Variants in DYNC2I2 observed in about 807,000 individuals in gnomAD.
The protein encoded by DYNC2I2 is dynein 2 intermediate chain 2.
Under a neutral mutation model 52.0 loss-of-function variants are expected in DYNC2I2, and 39 were observed. The observed-to-expected ratio is 0.75, with a 90% CI of 0.58 to 0.98. The LOEUF is 0.98. Among genes scored for constraint, DYNC2I2 ranks in the 50% least tolerant of loss-of-function variants. The pLI is 0.00. For synonymous variants in DYNC2I2, 359 were observed against 321.1 expected, an observed-to-expected ratio of 1.12 and a Z score of -1.26; for missense variants, 743 against 728.4, an observed-to-expected ratio of 1.02 and a Z score of -0.23.
chr9:128,682,064 CTTTT>C, the DYNC2I2 span, among the ~76,000 whole-genome samples: 2 of 141,978 alleles, frequency 1.4e-5, no homozygotes, highest in East Asian at 2.1e-4. Flanking sequence ...CAGAGTGAGA[CTTTT>C]TTTTTTTTTT....
At chr9:128,655,335 TA>T (rs869197100) in intron 1 of DYNC2I2, among the ~76,000 whole-genome samples, 4,391 of 18,500 alleles carry the variant, frequency 0.24, 542 homozygotes, top group East Asian at 0.5. Context: ...CCGTCTCTAC[TA>T]AAAAAAAAAA....
At chr9:128,682,337 C>T in the DYNC2I2 span, among the ~76,000 whole-genome samples, 2 of 151,750 alleles carry the variant, frequency 1.3e-5, no homozygotes, top group Non-Finnish European at 2.9e-5. Flanking sequence ...CATGAGCCAC[C>T]GCACCTGGCC....
rs566931535 is a variant in DYNC2I2, at chr9:128,640,943, G to T, written c.187-4C>A. On this transcript the variant is annotated splice_region_variant and splice_polypyrimidine_tract_variant and intron_variant, in intron 1 of 8. Coordinates refer to ENST00000372715, the MANE Select transcript of DYNC2I2 (RefSeq NM_052844.4). ...TGCTGGCCGTCTGGCAACTTTTCTGGGGGGAGGGTGAAAACAAGTGTCACC... is the reference window on the plus strand; with the variant it reads ...TGCTGGCCGTCTGGCAACTTTTCTGTGGGGAGGGTGAAAACAAGTGTCACC... 3 of 1,577,684 alleles carry T rather than the reference G, an allele frequency of 1.9e-6. No individual in the cohort carries two copies. The highest frequency in any genetic ancestry group is 2.6e-6 in the Non-Finnish European group (3 of 1,159,756).
intron 7 of DYNC2I2, 91 bp from the exon 8 acceptor site, chr9:128,634,474 G>A (rs1860324520): frequency 6.7e-7 from 1 of 1,484,886 alleles, no homozygotes; most frequent in African/African-American, 1.4e-5. Flanking sequence ...TGGGCTGCCA[G>A]GCTCGTGAAG....
At chr9:128,654,929 T>C (rs1390380729) in intron 1 of DYNC2I2, among the ~76,000 whole-genome samples, 1 of 152,078 alleles carries the variant, frequency 6.6e-6, no homozygotes, top group East Asian at 1.9e-4. Context: ...ACTGCATAAT[T>C]TACTTATTAA....
chr9:128,680,735 C>T, the DYNC2I2 span, among the ~76,000 whole-genome samples: 5 of 151,694 alleles, frequency 3.3e-5, no homozygotes, highest in South Asian at 2.1e-4. Flanking sequence ...AGTGCGGTGG[C>T]GTGATCTCGG....
chr9:128,636,424 T>C lies in DYNC2I2; in HGVS notation c.560A>G (p.Asp187Gly). Residue 187 changes from aspartate (D) to glycine (G), a missense_variant, in exon 4 of 9, where the codon GAC becomes GGC. Physicochemically the swap from Asp to Gly is moderately conservative, Grantham distance 94 (BLOSUM62 -1). Transcript: ENST00000372715. Reference sequence around the variant, plus strand: ...CACGAAGGACTTAAGCGTGCTCCAGTCCCCATGGTCCAGCCTGTGCAGGGA... The same window carrying C: ...CACGAAGGACTTAAGCGTGCTCCAGCCCCCATGGTCCAGCCTGTGCAGGGA... ...ACAYGRLDHG[D>G]WSTLKSFVCA... 1 of 1,605,328 alleles carries C rather than the reference T, an allele frequency of 6.2e-7. No homozygotes were observed. Among genetic ancestry groups the C allele is most frequent in the Non-Finnish European group, 8.5e-7 (1 of 1,178,030 alleles).
the DYNC2I2 span, among the ~76,000 whole-genome samples, chr9:128,666,273 T>C: frequency 2.0e-5 from 3 of 151,098 alleles, no homozygotes; most frequent in East Asian, 5.9e-4. Context: ...TTCCATCTAT[T>C]TGGGAGGCTG....
chr9:128,643,772 C>T (rs1002026308), intron 1 of DYNC2I2, among the ~76,000 whole-genome samples: 3 of 152,142 alleles, frequency 2.0e-5, no homozygotes, highest in Admixed American at 6.6e-5. Flanking sequence ...AACCTGTGGA[C>T]GGGGCGTCCC....
rs989219820 is a variant in DYNC2I2, at chr9:128,633,860, C to G, written c.1495G>C (p.Ala499Pro). The change falls in exon 9 of 9, where the codon GCT (alanine) becomes CCT (proline). Residue 499 changes from alanine to proline, a missense_variant. Coordinates refer to ENST00000372715, the MANE Select transcript of DYNC2I2 (RefSeq NM_052844.4). ...ACTGTGCCCTGGGCATCGCCCGCAGCCAAGAGCTGAGTCTGCTGGCTGTTG... is the reference window on the plus strand; with the variant it reads ...ACTGTGCCCTGGGCATCGCCCGCAGGCAAGAGCTGAGTCTGCTGGCTGTTG... ...EFNSQQTQLL[A>P]AGDAQGTVKV... The G allele has an allele frequency of 6.2e-7, 1 of 1,613,620 alleles. No individual in the cohort carries two copies. Among genetic ancestry groups the G allele is most frequent in the Non-Finnish European group, 8.5e-7 (1 of 1,180,040 alleles).
intron 1 of DYNC2I2, among the ~76,000 whole-genome samples, chr9:128,644,995 C>T (rs778120818): frequency 1.3e-5 from 2 of 152,148 alleles, no homozygotes; most frequent in Admixed American, 1.3e-4. Flanking sequence ...CACTGACCAG[C>T]TGTTGCCTGT....
the DYNC2I2 span, among the ~76,000 whole-genome samples, chr9:128,675,975 A>G: frequency 6.6e-6 from 1 of 152,086 alleles, no homozygotes; most frequent in Non-Finnish European, 1.5e-5. Flanking sequence ...CAAGACCAGC[A>G]TGGGTAATAT....
At chr9:128,663,171 T>C in the DYNC2I2 span, 9 of 152,312 alleles carry the variant, frequency 5.9e-5, no homozygotes, top group African/African-American at 2.2e-4. Flanking sequence ...TATCATGTTT[T>C]TTTTTCATTC....
upstream of DYNC2I2, among the ~76,000 whole-genome samples, chr9:128,658,811 C>G (rs1163131061): frequency 6.9e-6 from 1 of 144,400 alleles, no homozygotes; most frequent in Non-Finnish European, 1.5e-5. Flanking sequence ...GCAGCCTCAA[C>G]CTCTCCGGGC....
At chr9:128,649,791 A>ATTG (rs1413508510) in intron 1 of DYNC2I2, among the ~76,000 whole-genome samples, 12,983 of 37,402 alleles carry the variant, frequency 0.35, 3,486 homozygotes, top group Non-Finnish European at 0.69. Context: ...TCAGGAGTTC[A>ATTG]AGACCAGCCT....
At chr9:128,666,478 A>C in the DYNC2I2 span, among the ~76,000 whole-genome samples, 2 of 151,450 alleles carry the variant, frequency 1.3e-5, no homozygotes, top group Non-Finnish European at 2.9e-5. Flanking sequence ...AAATGAAGAC[A>C]ATGCCGGGCA....
At chr9:128,644,995 C>A (rs778120818) in intron 1 of DYNC2I2, among the ~76,000 whole-genome samples, 4 of 152,148 alleles carry the variant, frequency 2.6e-5, no homozygotes, top group African/African-American at 9.7e-5. Context: ...CACTGACCAG[C>A]TGTTGCCTGT....
At chr9:128,658,721 A>ATTTTT (rs746310535), upstream of DYNC2I2, among the ~76,000 whole-genome samples, 4 of 91,550 alleles carry the variant, frequency 4.4e-5, no homozygotes, top group Admixed American at 1.4e-4. Context: ...ACCTGACCTA[A>ATTTTT]TTTTTTTTTT....
At chr9:128,640,164 C>T (rs903325743) in intron 2 of DYNC2I2, among the ~76,000 whole-genome samples, 4 of 152,144 alleles carry the variant, frequency 2.6e-5, no homozygotes, top group Non-Finnish European at 4.4e-5. Context: ...CCTGCCACTA[C>T]GCCCGGCTAA....
Sources: gnomAD v4.1 joint callset for allele counts (sites outside exome capture counted in the v4.1 genomes callset) on GRCh38, gnomAD v4.1.1 for gene constraint, MANE v1.5 for transcripts, NCBI Gene and HGNC (gene_info 2026-07-23, HGNC 2026-07-21) for gene names.